NRXN1: variants seen among roughly 807,000 people sequenced by gnomAD.
NRXN1 encodes neurexin-1.
Under a neutral mutation model 150.9 loss-of-function variants are expected in NRXN1, and 39 were observed. That is an observed-to-expected ratio of 0.26 (90% confidence interval 0.20 to 0.34). NRXN1 has a LOEUF of 0.34. Among genes scored for constraint, NRXN1 ranks in the 10% least tolerant of loss-of-function variants. NRXN1 has a pLI of 1.00. For missense variants in NRXN1, 1,815 were observed against 1,949.9 expected (o/e 0.93, Z 1.30); for synonymous variants, 924 against 757.0 (o/e 1.22, Z -3.62).
At chr2:50,820,087 A>G (rs1416763540) in intron 5 of NRXN1, among the ~76,000 whole-genome samples, 2 of 152,104 alleles carry the variant, frequency 1.3e-5, no homozygotes, top group African/African-American at 4.8e-5. Context: ...TACATTTTTA[A>G]GAACCCATGA....
At chr2:50,905,349 G>T (rs1683518267) in intron 5 of NRXN1, among the ~76,000 whole-genome samples, 1 of 152,124 alleles carries the variant, frequency 6.6e-6, no homozygotes, top group South Asian at 2.1e-4. Context: ...AGCTATTTAA[G>T]GAACCTGGTA....
intron 18 of NRXN1, among the ~76,000 whole-genome samples, chr2:50,168,605 G>A (rs760373290): frequency 6.6e-6 from 1 of 152,104 alleles, no homozygotes; most frequent in Non-Finnish European, 1.5e-5. Flanking sequence ...ACATTTTTGA[G>A]GTTGCCAGAA....
At chr2:50,472,879 T>G (rs13008062) in intron 15 of NRXN1, among the ~76,000 whole-genome samples, 1 of 151,188 alleles carries the variant, frequency 6.6e-6, no homozygotes. Flanking sequence ...GTTTCTAAAA[T>G]GGGAACAATA....
At chr2:50,527,163 T>C (rs2105176049) in intron 12 of NRXN1, among the ~76,000 whole-genome samples, 1 of 152,270 alleles carries the variant, frequency 6.6e-6, no homozygotes, top group African/African-American at 2.4e-5. Context: ...TAGAAAGGAA[T>C]ATTGGTCCCC....
chr2:50,197,682 T>C (rs118025780), intron 18 of NRXN1, among the ~76,000 whole-genome samples: 1,809 of 152,244 alleles, frequency 0.012, 98 homozygotes, highest in Admixed American at 0.08. Flanking sequence ...AAGTATTTTT[T>C]CCTTTTGCAT....
At chr2:50,345,853 A>G (rs979855753) in intron 17 of NRXN1, among the ~76,000 whole-genome samples, 1 of 152,204 alleles carries the variant, frequency 6.6e-6, no homozygotes, top group Admixed American at 6.5e-5. Flanking sequence ...CCTGGAAAGC[A>G]TTAATCACTG....
At chr2:50,864,297 T>TA (rs556549919) in intron 5 of NRXN1, among the ~76,000 whole-genome samples, 3 of 152,050 alleles carry the variant, frequency 2.0e-5, no homozygotes, top group South Asian at 4.1e-4. Context: ...TCATAAAAGC[T>TA]AAAAAAGCTG....
intron 18 of NRXN1, among the ~76,000 whole-genome samples, chr2:50,227,162 GAAA>G (rs5831101): frequency 7.0e-6 from 1 of 143,586 alleles, no homozygotes; most frequent in African/African-American, 2.6e-5. Flanking sequence ...ACAAAGACGG[GAAA>G]AAAAAAAAAA....
At chr2:50,320,379 T>C (rs1575073211) in intron 17 of NRXN1, among the ~76,000 whole-genome samples, 1 of 141,394 alleles carries the variant, frequency 7.1e-6, no homozygotes, top group African/African-American at 2.6e-5. Context: ...GTTTGTTTGA[T>C]TAAGAAATAA....
At chr2:50,424,761 A>T (rs944302062) in intron 17 of NRXN1, among the ~76,000 whole-genome samples, 1 of 152,208 alleles carries the variant, frequency 6.6e-6, no homozygotes, top group Non-Finnish European at 1.5e-5. Flanking sequence ...AGTCCTGGAT[A>T]CCTATTTGTA....
intron 5 of NRXN1, among the ~76,000 whole-genome samples, chr2:50,845,869 C>T (rs116531416): frequency 6.6e-6 from 1 of 152,018 alleles, no homozygotes; most frequent in East Asian, 1.9e-4. Flanking sequence ...GGAAAAAAAA[C>T]CAGAAAATTT....
intron 17 of NRXN1, among the ~76,000 whole-genome samples, chr2:50,342,270 T>C (rs2077604205): frequency 6.6e-6 from 1 of 152,250 alleles, no homozygotes; most frequent in Admixed American, 6.5e-5. Context: ...GATTCAAAGA[T>C]TCTTCCAAAA....
chr2:50,344,823 C>T lies in NRXN1; in HGVS notation c.3365-107853G>A, dbSNP rs1022484674. The stretch of plus-strand genomic sequence containing the variant: ...CCGAGACACAGAAAAGGAGAAGTTG[C>T]ATATGAGATTATTAGCCAAGTGCTT... On this transcript the variant is annotated intron_variant, in intron 17 of 22. Transcript: ENST00000401669. 2.0e-5 allele frequency among the ~76,000 whole-genome samples: 3 copies of T among 152,170 alleles called. No homozygotes were observed. The South Asian group carries it at 6.2e-4, about 32-fold the overall frequency.
At chr2:50,334,551 C>T (rs1236627011) in intron 17 of NRXN1, among the ~76,000 whole-genome samples, 1 of 152,136 alleles carries the variant, frequency 6.6e-6, no homozygotes, top group African/African-American at 2.4e-5. Context: ...TGCCCTAGCA[C>T]AGATTGCTAA....
intron 15 of NRXN1, among the ~76,000 whole-genome samples, chr2:50,491,544 G>T (rs1213288082): frequency 6.6e-6 from 1 of 152,132 alleles, no homozygotes; most frequent in Non-Finnish European, 1.5e-5. Flanking sequence ...GATGATCCTG[G>T]TAAGAAGGAA....
intron 17 of NRXN1, among the ~76,000 whole-genome samples, chr2:50,395,493 C>A (rs1165941966): frequency 6.6e-6 from 1 of 151,876 alleles, no homozygotes; most frequent in Non-Finnish European, 1.5e-5. Flanking sequence ...TATATATCAG[C>A]TCTAGGAAAA....
At position 50,552,358 on chromosome 2, in the gene NRXN1, G is replaced by A. The variant is rs116318768; in HGVS notation, c.1759+229C>T. On this transcript the variant is annotated intron_variant, in intron 9 of 22. Transcript: ENST00000401669. ...GATTACCCAATAAAAGTTCATTTAA[G>A]AAGCTATTTTAGAAGACATTTGAGC... Among the ~76,000 whole-genome samples, 1,208 of 152,230 alleles carry A rather than the reference G, an allele frequency of 7.9e-3. 13 individuals carry two copies. The highest frequency in any genetic ancestry group is 0.027 in the African/African-American group (1,101 of 41,532).
intron 3 of NRXN1, among the ~76,000 whole-genome samples, chr2:50,924,929 T>A (rs918438595): frequency 1.3e-5 from 2 of 151,582 alleles, no homozygotes; most frequent in African/African-American, 4.8e-5. Context: ...GGATAGGGAG[T>A]CTTTTTCTAA....
intron 5 of NRXN1, among the ~76,000 whole-genome samples, chr2:50,805,646 G>A (rs1049497261): frequency 2.6e-5 from 4 of 151,906 alleles, no homozygotes; most frequent in Admixed American, 6.6e-5. Flanking sequence ...TCAAAAGGAC[G>A]GAAGGAAGGA....
Sources: allele counts gnomAD v4.1 joint callset (sites outside exome capture counted in the v4.1 genomes callset), GRCh38; gene constraint gnomAD v4.1.1; transcripts MANE v1.5; gene names NCBI Gene and HGNC (gene_info 2026-07-23, HGNC 2026-07-21).